The following BCAR3 variants were observed in gnomAD, a reference collection of about 807,000 sequenced individuals.
BCAR3 encodes BCAR3 adaptor protein, NSP family member, also known as breast cancer anti-estrogen resistance protein 3.
Under a neutral mutation model 80.1 loss-of-function variants are expected in BCAR3, and 37 were observed. The ratio of observed to expected loss-of-function variants is 0.46; its 90% CI spans 0.36 to 0.61. BCAR3 has a LOEUF of 0.61. BCAR3 is among the 20% of genes least tolerant of loss of function. BCAR3 has a pLI of 0.00. For missense variants in BCAR3, 978 were observed against 1,068.2 expected (o/e 0.92, Z 1.18); for synonymous variants, 389 against 418.9 (o/e 0.93, Z 0.87).
At chr1:93,588,938 G>A (rs766179019) in intron 5 of BCAR3, 39 bp downstream of exon 5, 19 of 1,506,222 alleles carry the variant, frequency 1.3e-5, no homozygotes, top group African/African-American at 1.3e-4. Flanking sequence ...TGGGCACCCC[G>A]GCGCCCCTCA....
At chr1:93,775,318 A>G (rs972632557) in intron 2 of BCAR3, 1 of 152,228 alleles carries the variant, frequency 6.6e-6, no homozygotes, top group Non-Finnish European at 1.5e-5. Context: ...GCAGCTGTGT[A>G]CTTTTGGCTG....
At chr1:93,621,599 G>A (rs1675314755) in intron 3 of BCAR3, among the ~76,000 whole-genome samples, 1 of 152,196 alleles carries the variant, frequency 6.6e-6, no homozygotes, top group African/African-American at 2.4e-5. Flanking sequence ...GGAGGGGATA[G>A]ATAGCCTTGA....
At chr1:93,745,610 A>C (rs1394701870) in intron 2 of BCAR3, among the ~76,000 whole-genome samples, 1 of 152,218 alleles carries the variant, frequency 6.6e-6, no homozygotes, top group African/African-American at 2.4e-5. Flanking sequence ...CTTGATGTGC[A>C]GAAGAAAGTG....
intron 2 of BCAR3, among the ~76,000 whole-genome samples, chr1:93,669,496 C>G (rs969448886): frequency 6.6e-6 from 1 of 152,130 alleles, no homozygotes; most frequent in African/African-American, 2.4e-5. Context: ...ACACTTGTGA[C>G]GAGTCAGTCA....
At chr1:93,722,474 C>T (rs77808254) in intron 2 of BCAR3, among the ~76,000 whole-genome samples, 7,105 of 152,198 alleles carry the variant, frequency 0.047, 544 homozygotes, top group African/African-American at 0.16. Context: ...CTCCATCCTG[C>T]GCTGGGTCAC....
chr1:93,566,306 C>T (rs1672949401), intron 11 of BCAR3, among the ~76,000 whole-genome samples: 2 of 152,120 alleles, frequency 1.3e-5, no homozygotes, highest in African/African-American at 4.8e-5. Context: ...CTTTAACAAT[C>T]AATGCAGTGT....
chr1:93,670,347 A>C (rs1469729901), intron 2 of BCAR3, among the ~76,000 whole-genome samples: 2 of 152,192 alleles, frequency 1.3e-5, no homozygotes, highest in Non-Finnish European at 2.9e-5. Context: ...CAAGAGATAC[A>C]GTCACCAAAA....
intron 3 of BCAR3, among the ~76,000 whole-genome samples, chr1:93,610,158 A>G (rs1054474710): frequency 6.6e-6 from 1 of 152,220 alleles, no homozygotes. Context: ...TAAGGATGCA[A>G]TGGGATGAAA....
At chr1:93,841,938 T>C (rs905775588) in intron 2 of BCAR3, among the ~76,000 whole-genome samples, 2 of 152,300 alleles carry the variant, frequency 1.3e-5, no homozygotes, top group East Asian at 1.9e-4. Flanking sequence ...TCATAACTCC[T>C]GAGTCTGGTT....
At position 93,820,564 on chromosome 1, in the gene BCAR3, A is replaced by G. The variant is rs2818170; in HGVS notation, c.-63+25003T>C. On this transcript the variant is annotated intron_variant, in intron 2 of 13. Coordinates refer to the BCAR3 transcript ENST00000370244. ...TAAAACTCTAGGAGCAGCCAATGAA[A>G]GAGATGCATAGGGCAAGGTATGTGG... Among the ~76,000 whole-genome samples the G allele has an allele frequency of 9.9e-3, 1,509 of 152,354 alleles. 16 individuals carry two copies. The highest frequency in any genetic ancestry group is 0.034 in the African/African-American group (1,409 of 41,588).
intron 9 of BCAR3, 193 bp downstream of exon 9, chr1:93,571,475 CAG>C (rs1259515784): frequency 3.4e-6 from 2 of 591,628 alleles, no homozygotes; most frequent in Non-Finnish European, 5.8e-6. Context: ...GCCTAGGTGG[CAG>C]AGTGAGATTC....
At chr1:93,585,147 C>A in intron 5 of BCAR3, 1 of 985,148 alleles carries the variant, frequency 1.0e-6, no homozygotes, top group African/African-American at 1.7e-5. Flanking sequence ...GGGGCCAGAA[C>A]GGCAGGGTGT....
intron 8 of BCAR3, among the ~76,000 whole-genome samples, chr1:93,574,930 TG>T (rs1300945321): frequency 1.3e-5 from 2 of 152,190 alleles, no homozygotes; most frequent in Non-Finnish European, 2.9e-5. Context: ...TTCAGCATTC[TG>T]GGTATTTTCT....
intron 4 of BCAR3, 54 bp from the exon 5 acceptor site, chr1:93,589,473 T>G (rs1430560430): frequency 6.8e-7 from 1 of 1,464,504 alleles, no homozygotes; most frequent in Non-Finnish European, 9.3e-7. Context: ...ACATTCCTTC[T>G]AAAAGCTTAT....
chr1:93,749,479 C>G (rs1223599214), intron 2 of BCAR3, among the ~76,000 whole-genome samples: 2 of 151,458 alleles, frequency 1.3e-5, no homozygotes, highest in African/African-American at 2.4e-5. Context: ...GTCCCAGCTA[C>G]TCGGGAGGCT....
chr1:93,581,561 C>T (rs1673711921), intron 7 of BCAR3, among the ~76,000 whole-genome samples: 1 of 152,098 alleles, frequency 6.6e-6, no homozygotes, highest in South Asian at 2.1e-4. Flanking sequence ...CAGGCGTGTA[C>T]CATCAAGCCC....
intron 2 of BCAR3, among the ~76,000 whole-genome samples, chr1:93,728,199 G>A (rs1199468313): frequency 6.6e-6 from 1 of 152,244 alleles, no homozygotes; most frequent in Non-Finnish European, 1.5e-5. Flanking sequence ...AGCAGCCCTA[G>A]TGAAATGAGA....
At chr1:93,767,894 T>C (rs1652209223) in intron 2 of BCAR3, among the ~76,000 whole-genome samples, 1 of 152,182 alleles carries the variant, frequency 6.6e-6, no homozygotes, top group Non-Finnish European at 1.5e-5. Flanking sequence ...CAAGACAACA[T>C]TTCAATTAGG....
rs1005001403 is a variant in BCAR3 at position 93,760,548 on chromosome 1, G to A, written c.-62-54406C>T. Reference sequence around the variant, plus strand: ...AGATAAATTTGAGAAATCAAATTTGGATGCTGTTGTGGTTGCATTAGATTT... The same window carrying A: ...AGATAAATTTGAGAAATCAAATTTGAATGCTGTTGTGGTTGCATTAGATTT... On this transcript the variant is annotated intron_variant, in intron 2 of 13. Coordinates refer to the BCAR3 transcript ENST00000370244. Among the ~76,000 whole-genome samples, 3 of 152,114 alleles carry A rather than the reference G, an allele frequency of 2.0e-5. No individual in the cohort carries two copies. The South Asian group carries it at 6.2e-4, about 32-fold the overall frequency.
Sources: gnomAD v4.1 joint callset for allele counts (sites outside exome capture counted in the v4.1 genomes callset) on GRCh38, gnomAD v4.1.1 for gene constraint, MANE v1.5 for transcripts, NCBI Gene and HGNC (gene_info 2026-07-23, HGNC 2026-07-21) for gene names.